GUCY2C: variants seen among roughly 807,000 people sequenced by gnomAD.
GUCY2C encodes guanylyl cyclase C.
A neutral mutation model predicts 131.1 loss-of-function variants in GUCY2C; 118 were observed. The ratio of observed to expected loss-of-function variants is 0.90; its 90% CI spans 0.78 to 1.05. The LOEUF is 1.05. GUCY2C is among the 50% of genes least tolerant of loss of function. GUCY2C has a pLI of 0.00. For missense variants in GUCY2C, 1,161 were observed against 1,304.4 expected (o/e 0.89, Z 1.69); for synonymous variants, 452 against 457.8 (o/e 0.99, Z 0.16).
intron 19 of GUCY2C, among the ~76,000 whole-genome samples, chr12:14,636,422 A>C (rs984712503): frequency 6.6e-6 from 1 of 152,118 alleles, no homozygotes; most frequent in Non-Finnish European, 1.5e-5. Context: ...CTTGATAAAA[A>C]CTCTCAAAAA....
At chr12:14,643,486 G>T in intron 17 of GUCY2C, 88 bp downstream of exon 17, 4 of 1,175,960 alleles carry the variant, frequency 3.4e-6, no homozygotes, top group African/African-American at 1.5e-5. Context: ...CTTATCTTCT[G>T]ATCAGTATTA....
At chr12:14,692,381 A>G (rs1171364198) in intron 1 of GUCY2C, among the ~76,000 whole-genome samples, 2 of 152,108 alleles carry the variant, frequency 1.3e-5, no homozygotes, top group Non-Finnish European at 2.9e-5. Context: ...CTTGAGAAAT[A>G]TAGGTTTTCT....
chr12:14,668,923 C>T (rs181817491), intron 10 of GUCY2C, among the ~76,000 whole-genome samples: 1 of 152,102 alleles, frequency 6.6e-6, no homozygotes, highest in Non-Finnish European at 1.5e-5. Context: ...ATCATTGCAA[C>T]CCAAATATGT....
In GUCY2C at chr12:14,665,173, G is replaced by A. The variant is rs567078123; in HGVS notation, c.1283-4111C>T. 2.6e-4 allele frequency among the ~76,000 whole-genome samples: 39 copies of A among 149,812 alleles called. 2 individuals carry two copies. The South Asian group carries it at 8.2e-3, about 32-fold the overall frequency. ...GGAAGTTGCAGTGAGCCGAGATTGGGCCACTGCACTCCAGGCCGGGCAACA... is the reference window on the plus strand; with the variant it reads ...GGAAGTTGCAGTGAGCCGAGATTGGACCACTGCACTCCAGGCCGGGCAACA... On this transcript the variant is annotated intron_variant, in intron 10 of 26. Transcript: ENST00000261170.
chr12:14,666,202 A>G (rs1306084308), intron 10 of GUCY2C, among the ~76,000 whole-genome samples: 1 of 152,226 alleles, frequency 6.6e-6, no homozygotes, highest in Non-Finnish European at 1.5e-5. Flanking sequence ...TGCGGCCTCT[A>G]CCTGGCTGGC....
intron 15 of GUCY2C, among the ~76,000 whole-genome samples, chr12:14,645,565 A>C (rs1318347632): frequency 1.3e-5 from 2 of 152,148 alleles, no homozygotes; most frequent in Non-Finnish European, 2.9e-5. Context: ...CTTCCATCAG[A>C]CAGGTGTAGA....
chr12:14,672,502 A>C (rs1319929640), intron 9 of GUCY2C, among the ~76,000 whole-genome samples: 2 of 152,242 alleles, frequency 1.3e-5, no homozygotes, highest in East Asian at 3.8e-4. Context: ...TTTAGTTGTG[A>C]AAATGAGTAA....
chr12:14,648,152 G>A (rs1322410130), intron 15 of GUCY2C, among the ~76,000 whole-genome samples: 1 of 151,804 alleles, frequency 6.6e-6, no homozygotes, highest in African/African-American at 2.4e-5. Flanking sequence ...ATTAGAGACG[G>A]GGTTTCACTA....
chr12:14,695,243 C>A (rs1440208438), intron 1 of GUCY2C, among the ~76,000 whole-genome samples: 4 of 152,094 alleles, frequency 2.6e-5, no homozygotes, highest in African/African-American at 9.7e-5. Context: ...ATCCAGGTGG[C>A]TGGGAATCAT....
Position 14,624,314 on chromosome 12 carries a change from G to A in GUCY2C, c.2408+1443C>T, listed in dbSNP as rs568628412. 7.2e-5 allele frequency among the ~76,000 whole-genome samples: 11 copies of A among 152,198 alleles called. No homozygotes were observed. In the East Asian group the frequency reaches 7.7e-4, roughly 11 times the overall value. On this transcript the variant is annotated intron_variant, in intron 21 of 26. Coordinates refer to ENST00000261170, the MANE Select transcript of GUCY2C (RefSeq NM_004963.4). Reference sequence around the variant, plus strand: ...AAATTAGCTGGGTGTGGTGGCAGGCGCCTGTAATCCCAGCTACTTGGGAGG... The same window carrying A: ...AAATTAGCTGGGTGTGGTGGCAGGCACCTGTAATCCCAGCTACTTGGGAGG...
At chr12:14,674,424 TA>T in intron 8 of GUCY2C, 200 bp downstream of exon 8, 2 of 633,502 alleles carry the variant, frequency 3.2e-6, no homozygotes, top group Non-Finnish European at 2.8e-6. Context: ...CCAAAGATTC[TA>T]AAAGACTGAA....
intron 2 of GUCY2C, 125 bp from the exon 3 acceptor site, chr12:14,686,350 C>G (rs1427488449): frequency 2.9e-6 from 2 of 686,430 alleles, no homozygotes; most frequent in Non-Finnish European, 5.2e-6. Flanking sequence ...TGCTCAAACT[C>G]AGAGCAACAT....
In GUCY2C at chr12:14,679,685, T is replaced by C; in HGVS notation, c.802A>G (p.Ile268Val). Residue 268 changes from isoleucine to valine, a missense_variant, in exon 6 of 27, where the codon ATT becomes GTT. Transcript: ENST00000261170. The stretch of plus-strand genomic sequence containing the variant: ...AAAAGATCCACTAGAATAATGACAA[T>C]GTCTTCAGCCACTGCTCGGTCACCC... Reference protein sequence around the residue: ...LKGDRAVAEDIVIILVDLFND... With the variant: ...LKGDRAVAEDVVIILVDLFND... 1 of 1,585,582 alleles carries C rather than the reference T, an allele frequency of 6.3e-7. No individual in the cohort carries two copies. Among genetic ancestry groups the C allele is most frequent in the Non-Finnish European group, 8.7e-7 (1 of 1,153,970 alleles).
chr12:14,617,052 G>A (rs1946779905), intron 24 of GUCY2C, among the ~76,000 whole-genome samples: 1 of 151,988 alleles, frequency 6.6e-6, no homozygotes, highest in South Asian at 2.1e-4. Context: ...ACAAGATCTG[G>A]TCATTTAAAA....
intron 1 of GUCY2C, among the ~76,000 whole-genome samples, chr12:14,695,151 A>G (rs1276557573): frequency 6.6e-6 from 1 of 152,166 alleles, no homozygotes; most frequent in Non-Finnish European, 1.5e-5. Flanking sequence ...GAAGGATCCA[A>G]AACTGTTTCT....
At chr12:14,619,175 T>C in intron 24 of GUCY2C, 36 bp downstream of exon 24, 3 of 1,257,442 alleles carry the variant, frequency 2.4e-6, no homozygotes, top group East Asian at 2.3e-5. Context: ...GAAAACAGCA[T>C]CTTTGTCCTC....
intron 16 of GUCY2C, among the ~76,000 whole-genome samples, chr12:14,644,482 G>GT (rs1346778091): frequency 2.0e-5 from 3 of 152,226 alleles, no homozygotes; most frequent in Non-Finnish European, 4.4e-5. Context: ...GGAGTGACGT[G>GT]TGTGGCAAAT....
At chr12:14,661,847 G>A (rs1387590427) in intron 10 of GUCY2C, among the ~76,000 whole-genome samples, 3 of 152,154 alleles carry the variant, frequency 2.0e-5, no homozygotes, top group African/African-American at 7.2e-5. Flanking sequence ...GGTTAGTGAG[G>A]GAAGTCAATG....
At chr12:14,684,865 C>T (rs890309921) in intron 3 of GUCY2C, among the ~76,000 whole-genome samples, 1 of 151,768 alleles carries the variant, frequency 6.6e-6, no homozygotes, top group African/African-American at 2.4e-5. Context: ...TTCTGGAGAG[C>T]AGAGTCTCAC....
Sources: allele counts gnomAD v4.1 joint callset (sites outside exome capture counted in the v4.1 genomes callset), GRCh38; gene constraint gnomAD v4.1.1; transcripts MANE v1.5; gene names NCBI Gene and HGNC (gene_info 2026-07-23, HGNC 2026-07-21).